The following IGSF11 variants were observed in gnomAD, a reference collection of about 807,000 sequenced individuals.
IGSF11 encodes the protein CXADR like 1.
Under a neutral mutation model 41.0 loss-of-function variants are expected in IGSF11, and 22 were observed. The observed-to-expected ratio is 0.54, with a 90% CI of 0.38 to 0.77. IGSF11 has a LOEUF of 0.77. Among genes scored for constraint, IGSF11 ranks in the 30% least tolerant of loss-of-function variants. The probability of loss-of-function intolerance (pLI) is 0.00; values close to 1 mark genes in which losing one functional copy is unlikely to be tolerated. For missense variants in IGSF11, 444 were observed against 530.8 expected, an observed-to-expected ratio of 0.84 and a Z score of 1.61; for synonymous variants, 219 against 201.3, an observed-to-expected ratio of 1.09 and a Z score of -0.74.
chr3:119,012,130 T>C (rs374052078), intron 1 of IGSF11, among the ~76,000 whole-genome samples: 2 of 151,762 alleles, frequency 1.3e-5, no homozygotes, highest in Admixed American at 6.6e-5. Flanking sequence ...AAGCATAAGA[T>C]AGAAAAGAAA....
At chr3:119,040,443 T>C (rs980978916) in intron 1 of IGSF11, among the ~76,000 whole-genome samples, 2 of 152,170 alleles carry the variant, frequency 1.3e-5, no homozygotes, top group Non-Finnish European at 1.5e-5. Flanking sequence ...GAATTACTCT[T>C]TCTCTATTGC....
At chr3:119,005,569 T>C (rs1028071786) in intron 1 of IGSF11, among the ~76,000 whole-genome samples, 109 of 129,768 alleles carry the variant, frequency 8.4e-4, no homozygotes, top group Non-Finnish European at 1.4e-3. Flanking sequence ...CGATGGTCTT[T>C]ACATTTTGGC....
intron 1 of IGSF11, among the ~76,000 whole-genome samples, chr3:118,988,747 T>G (rs1002202268): frequency 1.3e-5 from 2 of 152,300 alleles, no homozygotes; most frequent in African/African-American, 4.8e-5. Context: ...AAAAAAAACT[T>G]GCTTCAATGG....
At chr3:119,028,336 T>G (rs905193499) in intron 1 of IGSF11, among the ~76,000 whole-genome samples, 1 of 152,198 alleles carries the variant, frequency 6.6e-6, no homozygotes, top group Non-Finnish European at 1.5e-5. Flanking sequence ...GGATGATTTA[T>G]AGTTAATGCT....
Position 119,040,099 on chromosome 3 carries a change from C to T in IGSF11, c.49+65045G>A, listed in dbSNP as rs142675542. 3.3e-5 allele frequency among the ~76,000 whole-genome samples: 5 copies of T among 152,260 alleles called. No individual in the cohort carries two copies. In the East Asian group the frequency reaches 9.7e-4, roughly 29 times the overall value. ...AAATTATGGTTTAGGAGTCATGCAG[C>T]CAGAGGCTACAAGATTCTGACCCTC... is the stretch of plus-strand genomic sequence containing the variant. On this transcript the variant is annotated intron_variant, in intron 1 of 6. Transcript: ENST00000354673.
rs566078572 is a variant in IGSF11 at position 119,004,006 on chromosome 3, T to A, written c.52+30525A>T. On this transcript the variant is annotated intron_variant, in intron 1 of 6. Coordinates refer to ENST00000393775, the MANE Select transcript of IGSF11 (RefSeq NM_001015887.3). Reference sequence around the variant, plus strand: ...ATGAGTTAGGGAGGATTCCCTCTTTTTTTATTGATTGGAATAGGTTCAGAA... The same window carrying A: ...ATGAGTTAGGGAGGATTCCCTCTTTATTTATTGATTGGAATAGGTTCAGAA... Among the ~76,000 whole-genome samples the A allele has an allele frequency of 4.7e-4, 71 of 152,240 alleles. 1 individual carries two copies. Among genetic ancestry groups the A allele is most frequent in the Middle Eastern group, 6.8e-3 (2 of 294 alleles).
chr3:119,066,563 T>C (rs1576756080), intron 1 of IGSF11, among the ~76,000 whole-genome samples: 1 of 152,230 alleles, frequency 6.6e-6, no homozygotes. Context: ...AATTGTTAAA[T>C]ATTCAGGAAT....
chr3:119,008,164 GAAC>G (rs1188491463), intron 1 of IGSF11, among the ~76,000 whole-genome samples: 9 of 151,946 alleles, frequency 5.9e-5, no homozygotes, highest in African/African-American at 1.4e-4. Flanking sequence ...GTTAAGAAAT[GAAC>G]AACAACAACA....
chr3:119,071,582 T>A lies in IGSF11; in HGVS notation c.49+33562A>T, dbSNP rs189420938. Among the ~76,000 whole-genome samples, 1,164 of 152,340 alleles carry A rather than the reference T, an allele frequency of 7.6e-3. 7 individuals carry two copies. Among genetic ancestry groups the A allele is most frequent in the Non-Finnish European group, 0.012 (831 of 68,026 alleles). ...CAAGCACCATTTGTTGAAAAGACTA[T>A]TCTTTTCCCATTGAATAATTGGGCA... On this transcript the variant is annotated intron_variant, in intron 1 of 6. Coordinates refer to the IGSF11 transcript ENST00000354673.
chr3:118,905,583 T>C lies in IGSF11; in HGVS notation c.703+13A>G. 6.2e-7 allele frequency: 1 copy of C among 1,613,644 alleles called. No homozygotes were observed. The highest frequency in any genetic ancestry group is 8.5e-7 in the Non-Finnish European group (1 of 1,179,670). ...CAGACCCATGGTTGACATCAGAATTTCCATATGCTTACGTGAAATAACCTG... is the reference window on the plus strand; with the variant it reads ...CAGACCCATGGTTGACATCAGAATTCCCATATGCTTACGTGAAATAACCTG... On this transcript the variant is annotated intron_variant, in intron 5 of 6. Coordinates refer to ENST00000393775, the MANE Select transcript of IGSF11 (RefSeq NM_001015887.3).
intron 1 of IGSF11, among the ~76,000 whole-genome samples, chr3:118,937,492 C>A (rs1943370317): frequency 6.6e-6 from 1 of 152,016 alleles, no homozygotes; most frequent in Non-Finnish European, 1.5e-5. Context: ...AATCTTTTTA[C>A]AAACTGCCAT....
chr3:118,979,687 T>C (rs1934506548), intron 1 of IGSF11, among the ~76,000 whole-genome samples: 1 of 152,174 alleles, frequency 6.6e-6, no homozygotes, highest in Non-Finnish European at 1.5e-5. Context: ...AATGGGACTA[T>C]ATTAAATTTA....
chr3:118,961,755 A>C (rs1453236064), intron 1 of IGSF11, among the ~76,000 whole-genome samples: 1 of 152,200 alleles, frequency 6.6e-6, no homozygotes, highest in Non-Finnish European at 1.5e-5. Flanking sequence ...TAGCTCACTA[A>C]AAGTCAGTTT....
At chr3:119,117,154 C>T (rs1439244117) in intron 1 of IGSF11, among the ~76,000 whole-genome samples, 2 of 151,484 alleles carry the variant, frequency 1.3e-5, no homozygotes, top group Non-Finnish European at 2.9e-5. Context: ...AAGAACCCCT[C>T]AGATGATTAC....
chr3:118,933,571 A>G (rs1413147559), intron 1 of IGSF11, among the ~76,000 whole-genome samples: 1 of 151,960 alleles, frequency 6.6e-6, no homozygotes, highest in Non-Finnish European at 1.5e-5. Context: ...TTACAGAAGA[A>G]TAGAAAAACA....
At chr3:119,058,270 T>C (rs1941926735) in intron 1 of IGSF11, among the ~76,000 whole-genome samples, 2 of 151,882 alleles carry the variant, frequency 1.3e-5, no homozygotes, top group Admixed American at 1.3e-4. Context: ...CTCAAACAAA[T>C]TTACAAGAAA....
At chr3:119,073,446 C>T (rs759761839) in intron 1 of IGSF11, among the ~76,000 whole-genome samples, 2 of 152,204 alleles carry the variant, frequency 1.3e-5, no homozygotes, top group Non-Finnish European at 2.9e-5. Context: ...GCCATGGTGC[C>T]ATGGAGCAGG....
At chr3:118,968,805 C>A (rs7636874) in intron 1 of IGSF11, among the ~76,000 whole-genome samples, 12,925 of 152,176 alleles carry the variant, frequency 0.085, 617 homozygotes, top group East Asian at 0.13. Flanking sequence ...AAAATTAACA[C>A]CATCAAGGTT....
chr3:119,051,085 C>A (rs775244761), intron 1 of IGSF11, among the ~76,000 whole-genome samples: 76 of 151,290 alleles, frequency 5.0e-4, no homozygotes, highest in Non-Finnish European at 1.0e-3. Flanking sequence ...AGCATGGCAC[C>A]TGTATACATA....
Sources: gnomAD v4.1 joint callset for allele counts (sites outside exome capture counted in the v4.1 genomes callset) on GRCh38, gnomAD v4.1.1 for gene constraint, MANE v1.5 for transcripts, NCBI Gene and HGNC (gene_info 2026-07-23, HGNC 2026-07-21) for gene names.